THEMIS: variants seen among roughly 807,000 people sequenced by gnomAD.
The protein encoded by THEMIS is thymocyte selection associated, also known as protein THEMIS.
A neutral mutation model predicts 52.6 loss-of-function variants in THEMIS; 37 were observed. The ratio of observed to expected loss-of-function variants is 0.70; its 90% CI spans 0.54 to 0.93. The LOEUF (loss-of-function observed/expected upper bound fraction) is 0.93, where lower values mean the gene tolerates loss of function less well. THEMIS is among the 40% of genes least tolerant of loss of function. The pLI, the probability that THEMIS is intolerant of heterozygous loss-of-function variation, is 0.00. For synonymous variants in THEMIS, 292 were observed against 272.7 expected (o/e 1.07, Z -0.70); for missense variants, 808 against 763.1 (o/e 1.06, Z -0.69).
At chr6:127,784,100 G>A (rs898553665) in intron 4 of THEMIS, among the ~76,000 whole-genome samples, 2 of 152,238 alleles carry the variant, frequency 1.3e-5, no homozygotes, top group African/African-American at 4.8e-5. Context: ...CATGGATGAA[G>A]CTGGAAACCA....
intron 4 of THEMIS, among the ~76,000 whole-genome samples, chr6:127,734,727 G>T (rs757950290): frequency 5.9e-5 from 9 of 151,366 alleles, no homozygotes; most frequent in Non-Finnish European, 1.0e-4. Flanking sequence ...AAAATTAGCC[G>T]GGTGTGGTGG....
intron 1 of THEMIS, among the ~76,000 whole-genome samples, chr6:127,860,207 C>T (rs547428988): frequency 6.6e-6 from 1 of 152,224 alleles, no homozygotes; most frequent in African/African-American, 2.4e-5. Flanking sequence ...GTCATTCCCA[C>T]TCTATGAAGA....
At chr6:127,696,635 T>G in the THEMIS span, among the ~76,000 whole-genome samples, 1 of 152,174 alleles carries the variant, frequency 6.6e-6, no homozygotes, top group African/African-American at 2.4e-5. Context: ...TCCTGGGGGG[T>G]TTGAATAACA....
At chr6:127,841,551 G>A (rs991348063) in intron 2 of THEMIS, among the ~76,000 whole-genome samples, 1 of 152,004 alleles carries the variant, frequency 6.6e-6, no homozygotes, top group Non-Finnish European at 1.5e-5. Context: ...CCTTTAAAAT[G>A]ATCTTTCTGA....
chr6:127,795,895 CAG>C (rs1322139413), intron 4 of THEMIS, among the ~76,000 whole-genome samples: 1 of 152,058 alleles, frequency 6.6e-6, no homozygotes, highest in Admixed American at 6.5e-5. Flanking sequence ...ATCAAAGACA[CAG>C]AGTAAAAAGT....
intron 3 of THEMIS, among the ~76,000 whole-genome samples, chr6:127,828,330 G>A (rs1778578802): frequency 1.3e-5 from 2 of 152,132 alleles, no homozygotes; most frequent in South Asian, 4.1e-4. Flanking sequence ...TTTGGGGATC[G>A]CTAACAGACA....
intron 4 of THEMIS, among the ~76,000 whole-genome samples, chr6:127,786,949 C>T (rs143886373): frequency 2.0e-5 from 3 of 152,182 alleles, no homozygotes; most frequent in African/African-American, 7.2e-5. Context: ...ACTTTGCAAC[C>T]ACCAAAGAGG....
intron 1 of THEMIS, among the ~76,000 whole-genome samples, chr6:127,897,428 A>G (rs890482278): frequency 6.6e-6 from 1 of 151,448 alleles, no homozygotes; most frequent in African/African-American, 2.4e-5. Flanking sequence ...TATACACATA[A>G]ACTCCATCAA....
At chr6:127,766,468 CAT>C (rs1776203543) in intron 4 of THEMIS, among the ~76,000 whole-genome samples, 1 of 152,026 alleles carries the variant, frequency 6.6e-6, no homozygotes, top group Admixed American at 6.6e-5. Flanking sequence ...TTCTATATAA[CAT>C]AATTTTCTTC....
chr6:127,889,944 C>G (rs1251965691), intron 1 of THEMIS, among the ~76,000 whole-genome samples: 1 of 152,062 alleles, frequency 6.6e-6, no homozygotes, highest in Admixed American at 6.6e-5. Context: ...ATTGCAGGCC[C>G]TATCAAGAAG....
chr6:127,868,394 T>A (rs1037624115), intron 1 of THEMIS: 2 of 981,298 alleles, frequency 2.0e-6, no homozygotes, highest in Non-Finnish European at 2.4e-6. Context: ...TCTTTGCCAA[T>A]ATTTCTGAGG....
chr6:127,726,284 A>G (rs1728830652), intron 4 of THEMIS, among the ~76,000 whole-genome samples: 1 of 152,114 alleles, frequency 6.6e-6, no homozygotes, highest in Non-Finnish European at 1.5e-5. Flanking sequence ...GAAAAGAAAG[A>G]TGCCTGAATC....
At chr6:127,870,065 T>A (rs1780109284) in intron 1 of THEMIS, among the ~76,000 whole-genome samples, 2 of 152,174 alleles carry the variant, frequency 1.3e-5, no homozygotes, top group Non-Finnish European at 2.9e-5. Flanking sequence ...CCCCAACCCC[T>A]GTCAGGGAAA....
chr6:127,806,361 T>C (rs1777708888), intron 4 of THEMIS, among the ~76,000 whole-genome samples: 1 of 152,150 alleles, frequency 6.6e-6, no homozygotes, highest in South Asian at 2.1e-4. Flanking sequence ...AAATATGACA[T>C]CACATATTTG....
chr6:127,827,385 A>G (rs978880422), intron 3 of THEMIS, among the ~76,000 whole-genome samples: 2 of 152,232 alleles, frequency 1.3e-5, no homozygotes, highest in African/African-American at 4.8e-5. Flanking sequence ...TTGCTATACA[A>G]TAAGAACTAT....
chr6:127,740,128 A>C (rs1238075800), intron 4 of THEMIS, among the ~76,000 whole-genome samples: 1 of 152,196 alleles, frequency 6.6e-6, no homozygotes, highest in African/African-American at 2.4e-5. Flanking sequence ...CAGGGAAAGA[A>C]GGAGGAAATT....
intron 3 of THEMIS, among the ~76,000 whole-genome samples, chr6:127,819,324 T>A (rs1778253854): frequency 1.3e-5 from 2 of 151,718 alleles, no homozygotes; most frequent in Admixed American, 1.3e-4. Context: ...CCAAGAAATG[T>A]AAGACAACTG....
intron 4 of THEMIS, among the ~76,000 whole-genome samples, chr6:127,745,331 T>C (rs2114300271): frequency 6.6e-6 from 1 of 151,980 alleles, no homozygotes; most frequent in East Asian, 1.9e-4. Context: ...AACCATTAAA[T>C]TGACAATCAA....
At chr6:127,706,316 C>G (rs995500310), downstream of THEMIS, among the ~76,000 whole-genome samples, 18 of 152,116 alleles carry the variant, frequency 1.2e-4, no homozygotes, top group African/African-American at 4.3e-4. Context: ...ATTATCACAA[C>G]AACTCTACAA....
Sources: gnomAD v4.1 joint callset for allele counts (sites outside exome capture counted in the v4.1 genomes callset) on GRCh38, gnomAD v4.1.1 for gene constraint, MANE v1.5 for transcripts, NCBI Gene and HGNC (gene_info 2026-07-23, HGNC 2026-07-21) for gene names.